The following LRRC37A3 variants were observed in gnomAD, a reference collection of about 807,000 sequenced individuals.
LRRC37A3 encodes leucine rich repeat containing 37 member A3.
A neutral mutation model predicts 106.2 loss-of-function variants in LRRC37A3; 25 were observed. The ratio of observed to expected loss-of-function variants is 0.24; its 90% CI spans 0.17 to 0.33. The LOEUF (loss-of-function observed/expected upper bound fraction) is 0.33. LRRC37A3 is among the 10% of genes least tolerant of loss of function. The pLI is 1.00. For synonymous variants in LRRC37A3, 305 were observed against 635.8 expected (o/e 0.48, Z 7.83); for missense variants, 712 against 1,644.9 (o/e 0.43, Z 9.81).
chr17:64,913,060 G>T (rs1476984970), intron 2 of LRRC37A3, among the ~76,000 whole-genome samples: 10 of 144,970 alleles, frequency 6.9e-5, no homozygotes, highest in Admixed American at 5.6e-4. Context: ...ATGGAGTCTT[G>T]CTCTGTTACC....
chr17:64,879,943 T>C (rs557886792), intron 8 of LRRC37A3, among the ~76,000 whole-genome samples: 5 of 152,316 alleles, frequency 3.3e-5, no homozygotes, highest in Admixed American at 2.0e-4. Context: ...AGGCAGTATG[T>C]AGCCAAACAA....
rs533418392 is a variant in LRRC37A3, at chr17:64,861,827, G to A, written c.3173-854C>T. 7.6e-4 allele frequency among the ~76,000 whole-genome samples: 116 copies of A among 152,256 alleles called. 1 individual carries two copies. Among genetic ancestry groups the A allele is most frequent in the African/African-American group, 2.7e-3 (113 of 41,546 alleles). ...TATTTTGGATGGGGAATCATCCAAA[G>A]CTTCTGACTGCATGAAGGTCAGGTG... On this transcript the variant is annotated intron_variant, in intron 11 of 14. Coordinates refer to ENST00000584306, the MANE Select transcript of LRRC37A3 (RefSeq NM_199340.5).
chr17:64,918,969 G>A (rs892345683), intron 1 of LRRC37A3, 99 bp from the exon 2 acceptor site: 2 of 1,178,488 alleles, frequency 1.7e-6, no homozygotes, highest in African/African-American at 1.6e-5. Context: ...GTCCGGGCCA[G>A]GTGGCTGCCC....
At chr17:64,874,363 A>C (rs566649803) in intron 8 of LRRC37A3, among the ~76,000 whole-genome samples, 3 of 138,922 alleles carry the variant, frequency 2.2e-5, no homozygotes, top group Admixed American at 7.3e-5. Context: ...AGGAGCCCCT[A>C]CGCCCGGCAG....
rs572703371 is a variant in LRRC37A3, at chr17:64,863,276, A to T, written c.3054-258T>A. ...TTGGGTGACAGTGATTAGTAGTTTC[A>T]GAAGTATCTCTTCCCAACTCAAAAG... On this transcript the variant is annotated intron_variant, in intron 10 of 14. Coordinates refer to ENST00000584306, the MANE Select transcript of LRRC37A3 (RefSeq NM_199340.5). 4.1e-4 allele frequency: 202 copies of T among 498,310 alleles called. 1 individual carries two copies. In the South Asian group the frequency reaches 4.1e-3, roughly 10 times the overall value. 30.9% of individuals were successfully genotyped at this position (498,310 alleles called of 1,614,324 possible).
At position 64,919,465 on chromosome 17, in the gene LRRC37A3, C is replaced by G. The variant is rs1167497437; in HGVS notation, c.-651G>C. The G allele has an allele frequency of 8.5e-6, 4 of 472,528 alleles. No homozygotes were observed. The South Asian group carries it at 1.1e-4, about 13-fold the overall frequency. The allele number at this position is 472,528 out of a possible 1,614,324, so 29.3% of individuals were successfully genotyped here. ...CCTTCAGCCGCCATCTTGTTTCTTC[C>G]GTTACCGGAGCGCGGTCACGTGAGC... On this transcript the variant is annotated 5_prime_UTR_variant, in exon 1 of 15. Transcript: ENST00000584306.
chr17:64,862,841 A>G, intron 11 of LRRC37A3, 59 bp downstream of exon 11: 9 of 1,574,390 alleles, frequency 5.7e-6, no homozygotes, highest in Non-Finnish European at 7.8e-6. Context: ...CATTAAAAAT[A>G]AAAAGTTTAA....
At chr17:64,869,365 T>C (rs890629026) in intron 8 of LRRC37A3, among the ~76,000 whole-genome samples, 199 bp from the exon 9 acceptor site, 2 of 151,364 alleles carry the variant, frequency 1.3e-5, no homozygotes, top group East Asian at 1.9e-4. Context: ...AGATAAAGGA[T>C]AGAACGCGGG....
intron 10 of LRRC37A3, among the ~76,000 whole-genome samples, chr17:64,867,982 G>A (rs986737006): frequency 6.6e-6 from 1 of 152,158 alleles, no homozygotes; most frequent in African/African-American, 2.4e-5. Context: ...GCTGAGGCAG[G>A]AGAACCACTT....
At chr17:64,872,485 G>A (rs1162862278) in intron 8 of LRRC37A3, among the ~76,000 whole-genome samples, 3 of 152,172 alleles carry the variant, frequency 2.0e-5, no homozygotes, top group Non-Finnish European at 4.4e-5. Context: ...CATCTGTCTG[G>A]TGGTTCCCTG....
At chr17:64,876,293 C>T (rs1973512988) in intron 8 of LRRC37A3, among the ~76,000 whole-genome samples, 1 of 152,234 alleles carries the variant, frequency 6.6e-6, no homozygotes. Flanking sequence ...AGTGATCCTC[C>T]TGCCTTAGCC....
chr17:64,855,910 A>C (rs755976951), intron 13 of LRRC37A3, 21 bp from the exon 14 acceptor site: 1 of 1,611,682 alleles, frequency 6.2e-7, no homozygotes, highest in Non-Finnish European at 8.5e-7. Context: ...AGAAAACGCA[A>C]TTAAGATTAT....
intron 2 of LRRC37A3, among the ~76,000 whole-genome samples, chr17:64,916,905 C>T (rs1285022620): frequency 1.3e-5 from 2 of 150,038 alleles, no homozygotes; most frequent in Admixed American, 6.6e-5. Flanking sequence ...GAAATTAAAA[C>T]CAGAAGAAGC....
Position 64,859,433 on chromosome 17 carries a change from A to G in LRRC37A3, c.4704+9T>C, listed in dbSNP as rs6504261. 0.91 allele frequency: 725,230 copies of G among 795,332 alleles called. 346,105 individuals carry two copies. The highest frequency in any genetic ancestry group is 1 in the East Asian group (41,020 of 41,054). 49.3% of individuals were successfully genotyped at this position (795,332 alleles called of 1,614,324 possible). On this transcript the variant is annotated intron_variant, in intron 12 of 14. Coordinates refer to ENST00000584306, the MANE Select transcript of LRRC37A3 (RefSeq NM_199340.5). ...AAATCTGGGTCTCATGTTTCTGTGT[A>G]GTCCTCACCTCAAGCGACTTCTCTT...
At chr17:64,861,571 C>A (rs563312270) in intron 11 of LRRC37A3, among the ~76,000 whole-genome samples, 2 of 152,118 alleles carry the variant, frequency 1.3e-5, no homozygotes, top group South Asian at 4.1e-4. Context: ...ACAGAAGATG[C>A]GACATGGAAA....
rs375279391 is a variant in LRRC37A3, at chr17:64,858,834, G to A, written c.4754C>T (p.Ala1585Val). ...CGTTAGTATTCCAGTCACAATTAAC[G>A]CCAAGATGAGTTTTTTGGTATAGCC... ...GYGYTKKLILALIVTGILTIL... is the reference protein window; with the variant it reads ...GYGYTKKLILVLIVTGILTIL... Residue 1585 changes from alanine (A) to valine (V), a missense_variant, in exon 13 of 15, where the codon GCG becomes GTG. Coordinates refer to ENST00000584306, the MANE Select transcript of LRRC37A3 (RefSeq NM_199340.5). The A allele has an allele frequency of 5.4e-5, 87 of 1,612,880 alleles. No individual in the cohort carries two copies. Among genetic ancestry groups the A allele is most frequent in the African/African-American group, 6.7e-5 (5 of 74,770 alleles).
intron 11 of LRRC37A3, among the ~76,000 whole-genome samples, 171 bp downstream of exon 11, chr17:64,862,729 C>T (rs920594201): frequency 6.6e-6 from 1 of 152,120 alleles, no homozygotes; most frequent in East Asian, 1.9e-4. Flanking sequence ...TAACTGAGAA[C>T]CTGACTCTCA....
At chr17:64,865,479 T>A (rs1156255591) in intron 10 of LRRC37A3, among the ~76,000 whole-genome samples, 2 of 152,228 alleles carry the variant, frequency 1.3e-5, no homozygotes, top group African/African-American at 4.8e-5. Flanking sequence ...ATTTTAAACA[T>A]TTTCTTTTTT....
At chr17:64,884,557 G>T (rs1453063372) in intron 8 of LRRC37A3, among the ~76,000 whole-genome samples, 1 of 149,678 alleles carries the variant, frequency 6.7e-6, no homozygotes, top group African/African-American at 2.5e-5. Flanking sequence ...GTAGAGACAG[G>T]TTTCACCATG....
Sources: gnomAD v4.1 joint callset for allele counts (sites outside exome capture counted in the v4.1 genomes callset) on GRCh38, gnomAD v4.1.1 for gene constraint, MANE v1.5 for transcripts, NCBI Gene and HGNC (gene_info 2026-07-23, HGNC 2026-07-21) for gene names.